C8orf34: variants seen among roughly 807,000 people sequenced by gnomAD.
C8orf34 encodes the protein chromosome 8 open reading frame 34.
A neutral mutation model predicts 68.3 loss-of-function variants in C8orf34; 65 were observed. That is an observed-to-expected ratio of 0.95 (90% confidence interval 0.78 to 1.17). The LOEUF (loss-of-function observed/expected upper bound fraction) is 1.17, where lower values mean the gene tolerates loss of function less well. C8orf34 is among the 50% of genes most tolerant of loss of function. The pLI is 0.00. For missense variants in C8orf34, 664 were observed against 655.4 expected (o/e 1.01, Z -0.14); for synonymous variants, 244 against 241.2 (o/e 1.01, Z -0.11).
At chr8:68,429,975 C>T (rs1019806664) in intron 1 of C8orf34, among the ~76,000 whole-genome samples, 7 of 151,948 alleles carry the variant, frequency 4.6e-5, no homozygotes, top group African/African-American at 1.7e-4. Flanking sequence ...TTCTTTTGTT[C>T]GAATGAGGTG....
rs567190452 is a variant in C8orf34, at chr8:68,580,190, G to A, written c.1105+47041G>A. On this transcript the variant is annotated intron_variant, in intron 7 of 13. Transcript: ENST00000518698. ...TGGACAAAATCTCTGCAGAACAAGAGCATTTCTCTTCTTAAATAGAGGAAC... is the reference window on the plus strand; with the variant it reads ...TGGACAAAATCTCTGCAGAACAAGAACATTTCTCTTCTTAAATAGAGGAAC... 4.6e-5 allele frequency among the ~76,000 whole-genome samples: 7 copies of A among 152,124 alleles called. No individual in the cohort carries two copies. In the South Asian group the frequency reaches 6.2e-4, roughly 14 times the overall value.
At chr8:68,475,965 A>C (rs1441226544) in intron 4 of C8orf34, among the ~76,000 whole-genome samples, 1 of 152,200 alleles carries the variant, frequency 6.6e-6, no homozygotes, top group Admixed American at 6.5e-5. Context: ...ACAGATATTT[A>C]TGCTCTGTGA....
At chr8:68,693,570 A>C (rs546674496) in intron 8 of C8orf34, among the ~76,000 whole-genome samples, 38 of 152,266 alleles carry the variant, frequency 2.5e-4, no homozygotes, top group African/African-American at 9.1e-4. Flanking sequence ...AAAGGCAAGC[A>C]GTGTTTTGCA....
At chr8:68,412,977 C>T (rs1280425045) in intron 1 of C8orf34, among the ~76,000 whole-genome samples, 1 of 152,192 alleles carries the variant, frequency 6.6e-6, no homozygotes, top group Non-Finnish European at 1.5e-5. Flanking sequence ...GCCCCTCTCT[C>T]AGTTCATCCT....
At chr8:68,569,476 C>T (rs139389160) in intron 7 of C8orf34, among the ~76,000 whole-genome samples, 1 of 151,214 alleles carries the variant, frequency 6.6e-6, no homozygotes, top group African/African-American at 2.5e-5. Context: ...TTCATTGATG[C>T]CCGGGACTCC....
chr8:68,663,375 T>C (rs776056645), intron 8 of C8orf34, among the ~76,000 whole-genome samples: 1 of 152,234 alleles, frequency 6.6e-6, no homozygotes, highest in Non-Finnish European at 1.5e-5. Context: ...TTAATTTGTT[T>C]TCTTACAAAT....
chr8:68,686,752 G>A (rs11996984), intron 8 of C8orf34, among the ~76,000 whole-genome samples: 9,943 of 152,088 alleles, frequency 0.065, 441 homozygotes, highest in African/African-American at 0.12. Flanking sequence ...TCTATTCAAC[G>A]TAGTACTGGA....
intron 10 of C8orf34, among the ~76,000 whole-genome samples, chr8:68,729,759 G>A (rs988480466): frequency 6.6e-6 from 1 of 152,072 alleles, no homozygotes; most frequent in Non-Finnish European, 1.5e-5. Flanking sequence ...TTTACATTAT[G>A]TATTTACCTA....
At chr8:68,502,522 A>G (rs1414048054) in intron 5 of C8orf34, among the ~76,000 whole-genome samples, 1 of 152,200 alleles carries the variant, frequency 6.6e-6, no homozygotes, top group East Asian at 1.9e-4. Context: ...TTTAAAATCC[A>G]CATGTTCATA....
chr8:68,511,416 G>A (rs1381023508), intron 5 of C8orf34, among the ~76,000 whole-genome samples: 1 of 152,110 alleles, frequency 6.6e-6, no homozygotes, highest in Non-Finnish European at 1.5e-5. Context: ...GGTACTAGTT[G>A]GAGTGGGGGC....
intron 7 of C8orf34, among the ~76,000 whole-genome samples, chr8:68,558,956 A>C (rs1257325244): frequency 6.6e-6 from 1 of 152,198 alleles, no homozygotes; most frequent in Non-Finnish European, 1.5e-5. Context: ...ATAGGTGATT[A>C]ATTCTATTAC....
chr8:68,480,321 G>T (rs954894726), intron 4 of C8orf34, among the ~76,000 whole-genome samples: 19 of 151,676 alleles, frequency 1.3e-4, no homozygotes, highest in Middle Eastern at 3.4e-3. Flanking sequence ...TCCTGCCATG[G>T]TTCTGAGGCC....
intron 4 of C8orf34, among the ~76,000 whole-genome samples, chr8:68,474,416 G>A (rs1292750678): frequency 6.6e-6 from 1 of 152,052 alleles, no homozygotes; most frequent in Admixed American, 6.6e-5. Flanking sequence ...TATGTTTTGA[G>A]TCTAGTTTAT....
At chr8:68,481,591 A>G (rs1812862139) in intron 4 of C8orf34, among the ~76,000 whole-genome samples, 1 of 152,240 alleles carries the variant, frequency 6.6e-6, no homozygotes, top group Admixed American at 6.5e-5. Context: ...GGGCTGCCTA[A>G]GACTGTGTGC....
intron 1 of C8orf34, among the ~76,000 whole-genome samples, chr8:68,333,187 G>A (rs931584823): frequency 2.0e-5 from 3 of 152,222 alleles, no homozygotes; most frequent in South Asian, 2.1e-4. Flanking sequence ...AAACTCAAAT[G>A]GATATTTATG....
At chr8:68,613,070 G>A (rs914650380) in intron 7 of C8orf34, among the ~76,000 whole-genome samples, 1 of 152,042 alleles carries the variant, frequency 6.6e-6, no homozygotes, top group Non-Finnish European at 1.5e-5. Context: ...TCTCATATGG[G>A]AACATTGAGA....
chr8:68,640,070 T>G (rs1818959421), intron 7 of C8orf34, among the ~76,000 whole-genome samples: 1 of 152,212 alleles, frequency 6.6e-6, no homozygotes, highest in Non-Finnish European at 1.5e-5. Flanking sequence ...GAGGTTATAG[T>G]TTGGCTTCCC....
chr8:68,392,592 T>C (rs1485527414), intron 1 of C8orf34, among the ~76,000 whole-genome samples: 5 of 152,192 alleles, frequency 3.3e-5, no homozygotes, highest in African/African-American at 1.2e-4. Context: ...AAAATTCTAT[T>C]ATAAAATAAT....
In C8orf34 at chr8:68,774,234, T is replaced by TA. The variant is rs199935474; in HGVS notation, c.1405-2164dup. On this transcript the variant is annotated intron_variant, in intron 10 of 13. Transcript: ENST00000518698. ...GAAAGAGCCAAATTGGAACAGCCCA[T>TA]AGCACTCCCAGGTTAGTGTCCGAAT... 8.1e-3 allele frequency among the ~76,000 whole-genome samples: 1,233 copies of TA among 151,512 alleles called. 14 individuals carry two copies. Among genetic ancestry groups the TA allele is most frequent in the African/African-American group, 0.029 (1,186 of 41,084 alleles).
Sources: gnomAD v4.1 joint callset for allele counts (sites outside exome capture counted in the v4.1 genomes callset) on GRCh38, gnomAD v4.1.1 for gene constraint, MANE v1.5 for transcripts, NCBI Gene and HGNC (gene_info 2026-07-23, HGNC 2026-07-21) for gene names.